GPBP1: variants seen among roughly 807,000 people sequenced by gnomAD.
GPBP1 encodes the protein GC-rich promoter binding protein 1, also known as vasculin.
Under a neutral mutation model 56.5 loss-of-function variants are expected in GPBP1, and 13 were observed. The observed-to-expected ratio is 0.23, with a 90% CI of 0.15 to 0.37. GPBP1 has a LOEUF of 0.37. Among genes scored for constraint, GPBP1 ranks in the 10% least tolerant of loss-of-function variants. The pLI, the probability that GPBP1 is intolerant of heterozygous loss-of-function variation, is 1.00. For synonymous variants in GPBP1, 204 were observed against 188.9 expected, an observed-to-expected ratio of 1.08 and a Z score of -0.66; for missense variants, 477 against 572.3, an observed-to-expected ratio of 0.83 and a Z score of 1.70.
rs565566494 is a variant in GPBP1, at chr5:57,222,281, T to A, written c.63+8088T>A. Among the ~76,000 whole-genome samples, 78 of 152,192 alleles carry A rather than the reference T, an allele frequency of 5.1e-4. No homozygotes were observed. The South Asian group carries it at 8.7e-3, about 17-fold the overall frequency. The stretch of plus-strand genomic sequence containing the variant: ...TCTTAAGATGGTAGACACTCTTATC[T>A]CCCCCTGCCCCACCATTTACAGATG... On this transcript the variant is annotated intron_variant, in intron 3 of 11. Coordinates refer to ENST00000506184, the MANE Select transcript of GPBP1 (RefSeq NM_022913.4).
At chr5:57,226,322 G>A (rs1224396942) in intron 3 of GPBP1, among the ~76,000 whole-genome samples, 2 of 152,118 alleles carry the variant, frequency 1.3e-5, no homozygotes, top group African/African-American at 4.8e-5. Flanking sequence ...TCCTTCCAGG[G>A]TTTATTCAGT....
At chr5:57,230,461 C>T (rs1213188220) in intron 3 of GPBP1, among the ~76,000 whole-genome samples, 2 of 152,138 alleles carry the variant, frequency 1.3e-5, no homozygotes. Context: ...ACTGAAGATT[C>T]ATTTGACAAT....
rs143936211 is a variant in GPBP1, at chr5:57,262,644, C to G, written c.1314C>G (p.Ile438Met). 6.2e-7 allele frequency: 1 copy of G among 1,613,584 alleles called. No homozygotes were observed. The highest frequency in any genetic ancestry group is 2.2e-5 in the East Asian group (1 of 44,858). The change falls in exon 12 of 12, where the codon ATC (isoleucine) becomes ATG (methionine). Residue 438 changes from isoleucine to methionine, a missense_variant. Ile to Met is a conservative substitution (Grantham distance 10). Coordinates refer to ENST00000506184, the MANE Select transcript of GPBP1 (RefSeq NM_022913.4). ...RKNGILKNGL[I>M]CDFKFGPWKN... Reference sequence around the variant, plus strand: ...ATGGTATTTTGAAAAATGGCTTGATCTGTGACTTCAAGTTTGGACCGTGGA... The same window carrying G: ...ATGGTATTTTGAAAAATGGCTTGATGTGTGACTTCAAGTTTGGACCGTGGA...
At position 57,232,349 on chromosome 5, in the gene GPBP1, G is replaced by A. The variant is rs1756496690; in HGVS notation, c.411+1028G>A. Among the ~76,000 whole-genome samples the A allele has an allele frequency of 2.0e-5, 3 of 152,192 alleles. No homozygotes were observed. The South Asian group carries it at 6.2e-4, about 32-fold the overall frequency. ...TAATTAGTAACTCTTCTTAGAAGCA[G>A]TATTTATTCAAACACTTATGCTAAC... is the stretch of plus-strand genomic sequence containing the variant. On this transcript the variant is annotated intron_variant, in intron 5 of 11. Coordinates refer to ENST00000506184, the MANE Select transcript of GPBP1 (RefSeq NM_022913.4).
intron 2 of GPBP1, among the ~76,000 whole-genome samples, chr5:57,211,813 C>T: frequency 6.6e-6 from 1 of 152,080 alleles, no homozygotes; most frequent in Middle Eastern, 3.4e-3. Context: ...CTCAGGTGAT[C>T]TGCCCACCTC....
intron 5 of GPBP1, 32 bp downstream of exon 5, chr5:57,231,353 G>C: frequency 6.5e-7 from 1 of 1,530,310 alleles, no homozygotes; most frequent in Non-Finnish European, 9.0e-7. Context: ...TACAAATGAA[G>C]TTTCTGTAAG....
At chr5:57,203,467 C>T (rs1171877543) in intron 2 of GPBP1, among the ~76,000 whole-genome samples, 1 of 152,072 alleles carries the variant, frequency 6.6e-6, no homozygotes, top group Non-Finnish European at 1.5e-5. Flanking sequence ...AAAACCCTGT[C>T]TCTACTAAAA....
intron 2 of GPBP1, among the ~76,000 whole-genome samples, chr5:57,211,290 A>T (rs1167072971): frequency 6.6e-6 from 1 of 151,998 alleles, no homozygotes; most frequent in Non-Finnish European, 1.5e-5. Context: ...GGTCTCAAGC[A>T]GTCTTCTTCC....
At chr5:57,236,555 C>G (rs1413220231) in intron 6 of GPBP1, among the ~76,000 whole-genome samples, 2 of 151,984 alleles carry the variant, frequency 1.3e-5, no homozygotes, top group Non-Finnish European at 1.5e-5. Flanking sequence ...TCTCTGATTT[C>G]TGATTTTCAA....
rs1753762126 is a variant in GPBP1 at position 57,175,617 on chromosome 5, T to G, written c.-841T>G. 1 of 397,114 alleles carries G rather than the reference T, an allele frequency of 2.5e-6. No individual in the cohort carries two copies. 24.6% of individuals were successfully genotyped at this position (397,114 alleles called of 1,614,324 possible). A position where few individuals can be genotyped will look rare whatever the true frequency, so the allele number is the denominator to read the frequency against. On this transcript the variant is annotated 5_prime_UTR_variant, in exon 2 of 12. In the 5' UTR this introduces an upstream ATG that the reference lacks. Coordinates refer to ENST00000506184, the MANE Select transcript of GPBP1 (RefSeq NM_022913.4). Reference sequence around the variant, plus strand: ...AAGTGAATTGATAGTAGTGAACAATTCAGCAAGCTACTTAAAAAGAGACCC... The same window carrying G: ...AAGTGAATTGATAGTAGTGAACAATGCAGCAAGCTACTTAAAAAGAGACCC...
At chr5:57,240,639 C>A (rs563560037) in intron 6 of GPBP1, among the ~76,000 whole-genome samples, 1 of 152,162 alleles carries the variant, frequency 6.6e-6, no homozygotes, top group Non-Finnish European at 1.5e-5. Flanking sequence ...TGAATTTATT[C>A]ATCTGTGAGG....
chr5:57,220,178 C>T (rs1755894340), intron 3 of GPBP1, among the ~76,000 whole-genome samples: 1 of 151,614 alleles, frequency 6.6e-6, no homozygotes, highest in South Asian at 2.1e-4. Context: ...AAAATAGAGA[C>T]AGGGTCTCAC....
intron 2 of GPBP1, among the ~76,000 whole-genome samples, chr5:57,203,671 A>G (rs1253549213): frequency 6.6e-6 from 1 of 152,200 alleles, no homozygotes; most frequent in Admixed American, 6.5e-5. Flanking sequence ...GAGCATAGAA[A>G]GGTGCTGACA....
intron 2 of GPBP1, among the ~76,000 whole-genome samples, chr5:57,198,724 C>G (rs973973967): frequency 1.5e-4 from 23 of 152,164 alleles, no homozygotes; most frequent in African/African-American, 5.1e-4. Context: ...TGGCGCGTGC[C>G]TGTAATCCAG....
chr5:57,211,129 T>G (rs1276709593), intron 2 of GPBP1, among the ~76,000 whole-genome samples: 1 of 151,628 alleles, frequency 6.6e-6, no homozygotes, highest in Non-Finnish European at 1.5e-5. Flanking sequence ...TATATACTTG[T>G]GTAACTGCCA....
chr5:57,238,811 T>A (rs1049064502), intron 6 of GPBP1, among the ~76,000 whole-genome samples: 4 of 152,244 alleles, frequency 2.6e-5, no homozygotes, highest in Non-Finnish European at 4.4e-5. Flanking sequence ...TGATTTTAGC[T>A]CATATTTGAT....
intron 6 of GPBP1, among the ~76,000 whole-genome samples, chr5:57,238,379 A>G (rs975970226): frequency 3.9e-5 from 6 of 152,102 alleles, no homozygotes; most frequent in Non-Finnish European, 8.8e-5. Flanking sequence ...ACCAACATGG[A>G]GAAACCCCAT....
intron 6 of GPBP1, among the ~76,000 whole-genome samples, chr5:57,241,504 T>G (rs1019392338): frequency 6.6e-6 from 1 of 152,054 alleles, no homozygotes; most frequent in Non-Finnish European, 1.5e-5. Context: ...GGTGGGAAGA[T>G]CAGTTGAAGC....
intron 2 of GPBP1, among the ~76,000 whole-genome samples, chr5:57,210,610 A>C (rs1755434320): frequency 6.6e-6 from 1 of 152,202 alleles, no homozygotes; most frequent in Non-Finnish European, 1.5e-5. Flanking sequence ...AATATTTAAT[A>C]CATAAACATT....
Sources: allele counts gnomAD v4.1 joint callset (sites outside exome capture counted in the v4.1 genomes callset), GRCh38; gene constraint gnomAD v4.1.1; transcripts MANE v1.5; gene names NCBI Gene and HGNC (gene_info 2026-07-23, HGNC 2026-07-21).